Variants in ZNF829 observed in about 807,000 individuals in gnomAD.
ZNF829 encodes the protein zinc finger protein 829.
A neutral mutation model predicts 35.2 loss-of-function variants in ZNF829; 25 were observed. That is an observed-to-expected ratio of 0.71 (90% CI 0.52 to 0.99). ZNF829 has a LOEUF of 0.99. Among genes scored for constraint, ZNF829 ranks in the 50% least tolerant of loss-of-function variants. The pLI, the probability that ZNF829 is intolerant of heterozygous loss-of-function variation, is 0.00. For synonymous variants in ZNF829, 136 were observed against 163.2 expected, an observed-to-expected ratio of 0.83 and a Z score of 1.27; for missense variants, 417 against 515.3, an observed-to-expected ratio of 0.81 and a Z score of 1.85.
At chr19:36,892,821 C>T in intron 5 of ZNF829, 1 of 820,874 alleles carries the variant, frequency 1.2e-6, no homozygotes, top group Non-Finnish European at 1.6e-6. Context: ...ACCCCAGATC[C>T]CCCACAGGCG....
At chr19:36,902,843 C>A (rs1484040600) in intron 5 of ZNF829, among the ~76,000 whole-genome samples, 1 of 152,086 alleles carries the variant, frequency 6.6e-6, no homozygotes, top group Non-Finnish European at 1.5e-5. Flanking sequence ...AGAGACCAAC[C>A]TGGGCAACAT....
At chr19:36,899,909 T>A (rs976749090) in intron 5 of ZNF829, among the ~76,000 whole-genome samples, 6 of 149,976 alleles carry the variant, frequency 4.0e-5, no homozygotes, top group South Asian at 2.1e-4. Flanking sequence ...TATAAAAATT[T>A]TTTTTTAAAC....
intron 5 of ZNF829, among the ~76,000 whole-genome samples, chr19:36,903,045 AAAG>A (rs146903807): frequency 0.022 from 3,386 of 152,274 alleles, 82 homozygotes; most frequent in African/African-American, 0.051. Context: ...CAAAAATAAA[AAAG>A]AAGAAGAAGA....
At chr19:36,907,840 G>C (rs1435004669) in intron 5 of ZNF829, 89 bp downstream of exon 5, 5 of 1,118,924 alleles carry the variant, frequency 4.5e-6, no homozygotes, top group Non-Finnish European at 6.5e-6. Context: ...TATGGAAGAG[G>C]CTTCAGGCCT....
chr19:36,908,191 T>C (rs749686573), intron 4 of ZNF829, 142 bp downstream of exon 4: 4 of 1,313,696 alleles, frequency 3.0e-6, no homozygotes, highest in Admixed American at 2.3e-5. Flanking sequence ...CTTCCAACTC[T>C]TCCATTCTAT....
At chr19:36,907,702 C>T (rs750123654) in intron 5 of ZNF829, 10 of 401,908 alleles carry the variant, frequency 2.5e-5, no homozygotes, top group African/African-American at 1.7e-4. Flanking sequence ...CTAAACGTAG[C>T]GTATCATAGG....
chr19:36,910,260 T>C (rs1444070518), intron 3 of ZNF829, among the ~76,000 whole-genome samples: 1 of 152,048 alleles, frequency 6.6e-6, no homozygotes, highest in Non-Finnish European at 1.5e-5. Flanking sequence ...AATTTTTGTA[T>C]TTTTAGTAGA....
Position 36,908,334 on chromosome 19 carries a change from C to G in ZNF829, c.222G>C (p.Val74=), listed in dbSNP as rs150697866. The change falls in exon 4 of 6, where the codon GTG becomes GTC. Residue 74 remains valine (V), a splice_region_variant and synonymous_variant. Transcript: ENST00000391711. ...ATTTTGGGGAATAGTTATCCTTACC[C>G]ACTGAAACCAGGTTGCTGAAATTCT... ...MLENFSNLVS[V]GLSNSKPAVI... 14 of 1,611,706 alleles carry G rather than the reference C, an allele frequency of 8.7e-6. No individual in the cohort carries two copies. Among genetic ancestry groups the G allele is most frequent in the Non-Finnish European group, 1.2e-5 (14 of 1,178,868 alleles).
chr19:36,910,087 ATT>A (rs1188231634), intron 3 of ZNF829, among the ~76,000 whole-genome samples: 1 of 120,112 alleles, frequency 8.3e-6, no homozygotes. Flanking sequence ...TTCTTGAAAA[ATT>A]TTTTTTTTTT....
intron 5 of ZNF829, among the ~76,000 whole-genome samples, chr19:36,897,079 C>A (rs570398182): frequency 2.0e-5 from 3 of 152,078 alleles, no homozygotes; most frequent in African/African-American, 7.2e-5. Context: ...TGTCTCCCAA[C>A]AAAAAAAGCC....
intron 5 of ZNF829, chr19:36,892,898 A>G: frequency 8.7e-7 from 1 of 1,155,364 alleles, no homozygotes. Context: ...CAAGGCCATC[A>G]GCATGCCCAG....
chr19:36,914,893 T>C, intron 3 of ZNF829, 72 bp downstream of exon 3: 4 of 1,463,702 alleles, frequency 2.7e-6, no homozygotes, highest in Non-Finnish European at 3.8e-6. Flanking sequence ...GGGAAAATTA[T>C]AGGGACCTAT....
chr19:36,889,360 AGTGC>A lies in ZNF829; in HGVS notation c.*2128_*2131del, dbSNP rs2073028821. On this transcript the variant is annotated 3_prime_UTR_variant, in exon 6 of 6. Coordinates refer to ENST00000391711, the MANE Select transcript of ZNF829 (RefSeq NM_001037232.4). ...CTATAATTTTTGGAATAGTTTCAAT[AGTGC>A]TGTTACTAGTTCTTCCTTGCATGTC... is the stretch of plus-strand genomic sequence containing the variant. 1 of 152,176 alleles carries A rather than the reference AGTGC, an allele frequency of 6.6e-6. No individual in the cohort carries two copies. The highest frequency in any genetic ancestry group is 1.5e-5 in the Non-Finnish European group (1 of 68,016). 9.4% of individuals were successfully genotyped at this position (152,176 alleles called of 1,614,324 possible).
intron 3 of ZNF829, among the ~76,000 whole-genome samples, chr19:36,910,407 C>T (rs1490940430): frequency 2.6e-5 from 4 of 152,042 alleles, no homozygotes; most frequent in Admixed American, 2.0e-4. Context: ...TTTTAAAATG[C>T]GAAATGGGTT....
At chr19:36,892,807 C>T in intron 5 of ZNF829, 2 of 703,368 alleles carry the variant, frequency 2.8e-6, no homozygotes, top group Non-Finnish European at 2.0e-6. Flanking sequence ...TTTTTTTTGC[C>T]CCCACCCCAG....
chr19:36,914,967 T>A lies in ZNF829; in HGVS notation c.94A>T (p.Lys32Ter). 6.2e-7 allele frequency: 1 copy of A among 1,614,164 alleles called. No homozygotes were observed. The highest frequency in any genetic ancestry group is 1.1e-5 in the South Asian group (1 of 91,086). ...MHDELLQAVS[K>*]GPVMFRDVSI... ...AAAAAGAGGAAACCCCAACACACCT[T>A]GGATACTGCTTGTAGAAGTTCATCA... is the stretch of plus-strand genomic sequence containing the variant. Residue 32 changes from lysine to a stop codon, truncating the protein, a stop_gained and splice_region_variant, in exon 3 of 6, where the codon AAG becomes TAG. Transcript: ENST00000391711. LOFTEE classifies it high-confidence loss of function.
chr19:36,908,553 G>T lies in ZNF829; in HGVS notation c.97-94C>A, dbSNP rs189017306. 1.0e-5 allele frequency: 14 copies of T among 1,385,076 alleles called. No individual in the cohort carries two copies. In the Admixed American group the frequency reaches 3.2e-4, roughly 32 times the overall value. 85.8% of individuals were successfully genotyped at this position (1,385,076 alleles called of 1,614,324 possible). A position where few individuals can be genotyped will look rare whatever the true frequency, so the allele number is the denominator to read the frequency against. On this transcript the variant is annotated intron_variant, in intron 3 of 5. Coordinates refer to ENST00000391711, the MANE Select transcript of ZNF829 (RefSeq NM_001037232.4). ...AGGACAGAGTAAGCAAAATTAAAGG[G>T]GGTGAATCCTATCATATCAGAAGAT...
At chr19:36,897,717 G>C (rs2073125803) in intron 5 of ZNF829, among the ~76,000 whole-genome samples, 1 of 152,072 alleles carries the variant, frequency 6.6e-6, no homozygotes, top group Non-Finnish European at 1.5e-5. Context: ...GCAAGAGAAA[G>C]AAATAAAAGG....
At chr19:36,897,921 C>A (rs555510398) in intron 5 of ZNF829, among the ~76,000 whole-genome samples, 1 of 152,206 alleles carries the variant, frequency 6.6e-6, no homozygotes, top group Non-Finnish European at 1.5e-5. Context: ...ATAATCCCAG[C>A]AGTTTGGAAG....
Sources: gnomAD v4.1 joint callset for allele counts (sites outside exome capture counted in the v4.1 genomes callset) on GRCh38, gnomAD v4.1.1 for gene constraint, MANE v1.5 for transcripts, NCBI Gene and HGNC (gene_info 2026-07-23, HGNC 2026-07-21) for gene names.